NME7: variants seen among roughly 807,000 people sequenced by gnomAD.
The protein encoded by NME7 is NME/NM23 family member 7, also known as nucleoside diphosphate kinase 7.
Under a neutral mutation model 49.1 loss-of-function variants are expected in NME7, and 41 were observed. The observed-to-expected ratio is 0.83, with a 90% CI of 0.65 to 1.08. The LOEUF (loss-of-function observed/expected upper bound fraction) is 1.08, where lower values mean the gene tolerates loss of function less well. Among genes scored for constraint, NME7 ranks in the 50% least tolerant of loss-of-function variants. The pLI is 0.00. For synonymous variants in NME7, 139 were observed against 150.6 expected (o/e 0.92, Z 0.56); for missense variants, 423 against 463.4 (o/e 0.91, Z 0.80).
At chr1:169,316,327 G>C (rs1221951646) in intron 3 of NME7, among the ~76,000 whole-genome samples, 2 of 152,102 alleles carry the variant, frequency 1.3e-5, no homozygotes, top group African/African-American at 4.8e-5. Flanking sequence ...AGTTGGGAGA[G>C]AGCCATATTA....
At chr1:169,247,634 C>G (rs12130858) in intron 7 of NME7, among the ~76,000 whole-genome samples, 3 of 151,868 alleles carry the variant, frequency 2.0e-5, no homozygotes, top group African/African-American at 7.3e-5. Flanking sequence ...CCCTCACCCC[C>G]CTCAACCCTC....
chr1:169,194,369 A>G (rs1308692272), intron 10 of NME7, among the ~76,000 whole-genome samples: 19 of 152,132 alleles, frequency 1.2e-4, no homozygotes, highest in Non-Finnish European at 2.9e-5. Flanking sequence ...CCAAACCAAA[A>G]TGGAGTCACA....
intron 10 of NME7, among the ~76,000 whole-genome samples, chr1:169,206,311 T>C (rs1441367925): frequency 6.6e-6 from 1 of 152,134 alleles, no homozygotes; most frequent in Non-Finnish European, 1.5e-5. Context: ...AATTAACTAA[T>C]TAATTAATTC....
At chr1:169,341,478 G>C (rs1652697621) in intron 1 of NME7, among the ~76,000 whole-genome samples, 1 of 152,212 alleles carries the variant, frequency 6.6e-6, no homozygotes, top group Non-Finnish European at 1.5e-5. Context: ...GGAAAATGTG[G>C]GGTCAGGGTG....
intron 1 of NME7, among the ~76,000 whole-genome samples, chr1:169,340,733 G>A (rs1276303415): frequency 6.6e-6 from 1 of 152,194 alleles, no homozygotes; most frequent in Non-Finnish European, 1.5e-5. Context: ...TGGAGTGAAG[G>A]TCACTCATGC....
At chr1:169,313,091 C>G (rs911209973) in intron 3 of NME7, among the ~76,000 whole-genome samples, 1 of 149,728 alleles carries the variant, frequency 6.7e-6, no homozygotes, top group Non-Finnish European at 1.5e-5. Flanking sequence ...GCAACAATAG[C>G]AAAATTATTC....
chr1:169,147,145 CTT>C (rs1460666157), intron 11 of NME7, among the ~76,000 whole-genome samples: 1 of 152,114 alleles, frequency 6.6e-6, no homozygotes, highest in Non-Finnish European at 1.5e-5. Flanking sequence ...GAATAAATAA[CTT>C]TATATTTTTA....
chr1:169,192,880 A>G (rs1458537603), intron 10 of NME7, among the ~76,000 whole-genome samples: 1 of 152,192 alleles, frequency 6.6e-6, no homozygotes, highest in African/African-American at 2.4e-5. Context: ...AGAATGCAGG[A>G]AAACTCCTTT....
At chr1:169,243,737 T>C (rs1648185220) in intron 7 of NME7, among the ~76,000 whole-genome samples, 1 of 152,172 alleles carries the variant, frequency 6.6e-6, no homozygotes, top group East Asian at 1.9e-4. Flanking sequence ...GACTTCCCAC[T>C]ATGGAGAACT....
chr1:169,291,970 C>A (rs1181598534), intron 6 of NME7, among the ~76,000 whole-genome samples: 2 of 151,956 alleles, frequency 1.3e-5, no homozygotes, highest in Non-Finnish European at 2.9e-5. Context: ...TGGTCTGAAC[C>A]AAATCTACAT....
At chr1:169,147,744 G>A (rs1658800284) in intron 11 of NME7, among the ~76,000 whole-genome samples, 1 of 152,152 alleles carries the variant, frequency 6.6e-6, no homozygotes, top group Admixed American at 6.5e-5. Context: ...CCCAATATGA[G>A]ATTTAAAAGT....
At chr1:169,367,623 C>G in intron 1 of NME7, 85 bp downstream of exon 1, 8 of 1,531,424 alleles carry the variant, frequency 5.2e-6, no homozygotes, top group South Asian at 1.1e-5. Flanking sequence ...GACCGGACAA[C>G]TTTAAGTGCC....
intron 7 of NME7, among the ~76,000 whole-genome samples, chr1:169,278,047 G>T (rs1017363140): frequency 7.3e-5 from 11 of 151,724 alleles, no homozygotes; most frequent in African/African-American, 2.7e-4. Flanking sequence ...AGTTTCTGCC[G>T]AGAGATCCGC....
intron 11 of NME7, among the ~76,000 whole-genome samples, chr1:169,143,272 G>GTTTTTT (rs1658654886): frequency 1.3e-5 from 1 of 77,356 alleles, no homozygotes; most frequent in African/African-American, 4.2e-5. Context: ...GTCACCTCAG[G>GTTTTTT]CTTTTTTTTT....
At chr1:169,319,213 T>A (rs1350650789) in intron 3 of NME7, among the ~76,000 whole-genome samples, 2 of 152,144 alleles carry the variant, frequency 1.3e-5, no homozygotes, top group Non-Finnish European at 2.9e-5. Flanking sequence ...TGACATTTCC[T>A]TCCAATGAAA....
rs1467657841 is a variant in NME7 at position 169,274,237 on chromosome 1, T to C, written c.754+13066A>G. 1.5e-5 allele frequency among the ~76,000 whole-genome samples: 2 copies of C among 134,296 alleles called. 1 individual carries two copies. The highest frequency in any genetic ancestry group is 3.5e-5 in the Non-Finnish European group (2 of 57,158). 88.1% of individuals were successfully genotyped at this position (134,296 alleles called of 152,430 possible). On this transcript the variant is annotated intron_variant, in intron 7 of 11. Coordinates refer to ENST00000367811, the MANE Select transcript of NME7 (RefSeq NM_013330.5). ...GCCAGTGATGATGAGCATTTTTTCATGTGTCTTTTGGCTGCATAAATGTCT... is the reference window on the plus strand; with the variant it reads ...GCCAGTGATGATGAGCATTTTTTCACGTGTCTTTTGGCTGCATAAATGTCT...
chr1:169,224,853 A>T (rs570621354), intron 10 of NME7, among the ~76,000 whole-genome samples: 1 of 152,284 alleles, frequency 6.6e-6, no homozygotes, highest in East Asian at 1.9e-4. Context: ...ACAGACGGTA[A>T]ATAAATAAGT....
intron 6 of NME7, among the ~76,000 whole-genome samples, chr1:169,298,043 C>T (rs767361497): frequency 6.6e-6 from 1 of 152,138 alleles, no homozygotes; most frequent in Non-Finnish European, 1.5e-5. Flanking sequence ...AATAAACTTA[C>T]ACTTCTTTAA....
chr1:169,217,766 C>G (rs988288077), intron 10 of NME7, among the ~76,000 whole-genome samples: 2 of 152,278 alleles, frequency 1.3e-5, no homozygotes, highest in East Asian at 3.9e-4. Context: ...AAGACTGTTA[C>G]GTACATTTGA....
Sources: gnomAD v4.1 joint callset for allele counts (sites outside exome capture counted in the v4.1 genomes callset) on GRCh38, gnomAD v4.1.1 for gene constraint, MANE v1.5 for transcripts, NCBI Gene and HGNC (gene_info 2026-07-23, HGNC 2026-07-21) for gene names.